Variants in ZSWIM5 observed in about 807,000 individuals in gnomAD.
ZSWIM5 encodes zinc finger SWIM domain-containing protein 5.
A neutral mutation model predicts 119.6 loss-of-function variants in ZSWIM5; 55 were observed. That is an observed-to-expected ratio of 0.46 (90% CI 0.37 to 0.58). The LOEUF (loss-of-function observed/expected upper bound fraction) is 0.58. ZSWIM5 is among the 20% of genes least tolerant of loss of function. The pLI, the probability that ZSWIM5 is intolerant of heterozygous loss-of-function variation, is 0.00. For synonymous variants in ZSWIM5, 537 were observed against 606.9 expected (o/e 0.88, Z 1.69); for missense variants, 1,193 against 1,512.8 (o/e 0.79, Z 3.51).
At chr1:45,153,521 A>G (rs920122796) in intron 1 of ZSWIM5, among the ~76,000 whole-genome samples, 5 of 149,814 alleles carry the variant, frequency 3.3e-5, no homozygotes, top group African/African-American at 1.2e-4. Context: ...AAAAAAAAAG[A>G]ATTAAAAATA....
chr1:45,186,593 T>TTTCA (rs1557793162), intron 1 of ZSWIM5, among the ~76,000 whole-genome samples: 2 of 150,660 alleles, frequency 1.3e-5, no homozygotes, highest in Admixed American at 6.6e-5. Flanking sequence ...AACAACTTGG[T>TTTCA]TTTATTTATT....
intron 11 of ZSWIM5, among the ~76,000 whole-genome samples, chr1:45,032,130 T>C (rs577877969): frequency 2.6e-5 from 4 of 152,316 alleles, no homozygotes; most frequent in African/African-American, 9.6e-5. Flanking sequence ...TTTTAGTTCA[T>C]CTCTCTTTTT....
chr1:45,132,728 C>T (rs1424383206), intron 1 of ZSWIM5, among the ~76,000 whole-genome samples: 1 of 151,988 alleles, frequency 6.6e-6, no homozygotes, highest in East Asian at 1.9e-4. Context: ...TCGTCATTTG[C>T]ATTTGGTATA....
chr1:45,133,687 T>C (rs1227382781), intron 1 of ZSWIM5, among the ~76,000 whole-genome samples: 1 of 152,204 alleles, frequency 6.6e-6, no homozygotes, highest in Non-Finnish European at 1.5e-5. Flanking sequence ...TCCTTGACCA[T>C]GCCTATGTCC....
At chr1:45,174,917 T>C (rs1645970609) in intron 1 of ZSWIM5, among the ~76,000 whole-genome samples, 4 of 151,920 alleles carry the variant, frequency 2.6e-5, no homozygotes, top group Admixed American at 2.6e-4. Context: ...TCAAAGATAT[T>C]CTCCTACAGA....
Position 45,040,537 on chromosome 1 carries a change from C to A in ZSWIM5, c.1611G>T (p.Glu537Asp). ...CTCGAGCACAGGCTGTAGGCACATGCTCTACCAAGTAAGAAGAAGATATTT... is the reference window on the plus strand; with the variant it reads ...CTCGAGCACAGGCTGTAGGCACATGATCTACCAAGTAAGAAGAAGATATTT... The part of the protein sequence containing the change: ...FNSQGQPLWL[E>D]HVPTACARVD... The change falls in exon 7 of 14, where the codon GAG (glutamate) becomes GAT (aspartate). Residue 537 changes from glutamate (E) to aspartate (D), a missense_variant and splice_region_variant. Glu to Asp is a conservative substitution (Grantham distance 45, BLOSUM62 2). This residue lies in a region of ZSWIM5 where 961 missense variants were observed against 1,290.0 expected (regional missense o/e 0.74). Transcript: ENST00000359600. 1.3e-6 allele frequency: 2 copies of A among 1,584,876 alleles called. No homozygotes were observed. The highest frequency in any genetic ancestry group is 1.9e-5 in the Admixed American group (1 of 52,568).
chr1:45,086,794 A>T (rs372475889), intron 2 of ZSWIM5, among the ~76,000 whole-genome samples: 6 of 152,152 alleles, frequency 3.9e-5, no homozygotes, highest in East Asian at 3.8e-4. Flanking sequence ...AAAATAAAAA[A>T]AATAATAAAG....
At chr1:45,095,452 ATGTT>A (rs1645395394) in intron 1 of ZSWIM5, among the ~76,000 whole-genome samples, 1 of 152,088 alleles carries the variant, frequency 6.6e-6, no homozygotes, top group African/African-American at 2.4e-5. Flanking sequence ...CTTTAACAGG[ATGTT>A]TGTTCAAATC....
At chr1:45,164,495 T>C (rs1235297103) in intron 1 of ZSWIM5, among the ~76,000 whole-genome samples, 1 of 152,114 alleles carries the variant, frequency 6.6e-6, no homozygotes, top group African/African-American at 2.4e-5. Context: ...GTAAATGGGC[T>C]AAATGCTCCA....
intron 11 of ZSWIM5, among the ~76,000 whole-genome samples, chr1:45,031,218 C>T (rs1644951134): frequency 7.8e-6 from 1 of 128,606 alleles, no homozygotes; most frequent in Non-Finnish European, 1.6e-5. Context: ...ACTTTGTTGC[C>T]CAGGCTGGAG....
intron 1 of ZSWIM5, among the ~76,000 whole-genome samples, chr1:45,111,385 G>C (rs1645516790): frequency 6.6e-6 from 1 of 152,316 alleles, no homozygotes; most frequent in East Asian, 1.9e-4. Flanking sequence ...CAGTGGGAAG[G>C]CCTGGCAACA....
chr1:45,066,612 T>C (rs1015907395), intron 2 of ZSWIM5, among the ~76,000 whole-genome samples: 2 of 151,982 alleles, frequency 1.3e-5, no homozygotes, highest in Non-Finnish European at 2.9e-5. Flanking sequence ...AGGATAGAAA[T>C]AGTATGGGAA....
At chr1:45,160,891 A>G (rs1357205947) in intron 1 of ZSWIM5, among the ~76,000 whole-genome samples, 1 of 146,690 alleles carries the variant, frequency 6.8e-6, no homozygotes, top group Non-Finnish European at 1.5e-5. Context: ...GCAAGATCTC[A>G]GCTCACTGCA....
rs1403455269 is a variant in ZSWIM5 at position 45,044,768 on chromosome 1, T to C, written c.1433-1373A>G. Reference sequence around the variant, plus strand: ...AAAAATATATATATATATATATATATATATATAAATATATATATATAAATA... The same window carrying C: ...AAAAATATATATATATATATATATACATATATAAATATATATATATAAATA... On this transcript the variant is annotated intron_variant, in intron 5 of 13. Coordinates refer to ENST00000359600, the MANE Select transcript of ZSWIM5 (RefSeq NM_020883.2). Among the ~76,000 whole-genome samples the C allele has an allele frequency of 3.8e-3, 11 of 2,894 alleles. 4 individuals carry two copies. The highest frequency in any genetic ancestry group is 9.3e-3 in the African/African-American group (9 of 970). 1.9% of individuals were successfully genotyped at this position (2,894 alleles called of 152,430 possible). A position where few individuals can be genotyped will look rare whatever the true frequency, so the allele number is the denominator to read the frequency against.
intron 11 of ZSWIM5, among the ~76,000 whole-genome samples, chr1:45,026,302 T>C (rs1198780385): frequency 6.6e-6 from 1 of 152,184 alleles, no homozygotes; most frequent in East Asian, 1.9e-4. Flanking sequence ...CCCAAAGTGC[T>C]AGGATTACAG....
chr1:45,023,170 T>C (rs1171931538), intron 11 of ZSWIM5, among the ~76,000 whole-genome samples: 2 of 152,232 alleles, frequency 1.3e-5, no homozygotes, highest in Non-Finnish European at 2.9e-5. Flanking sequence ...ATGCTATTAA[T>C]CCACTATCAC....
intron 5 of ZSWIM5, 35 bp downstream of exon 5, chr1:45,051,039 C>T: frequency 6.3e-7 from 1 of 1,588,930 alleles, no homozygotes; most frequent in Non-Finnish European, 8.6e-7. Context: ...TTTGAAGTTC[C>T]AGGTACAAAG....
intron 2 of ZSWIM5, among the ~76,000 whole-genome samples, chr1:45,063,011 C>T (rs1316338575): frequency 6.6e-6 from 1 of 152,018 alleles, no homozygotes; most frequent in African/African-American, 2.4e-5. Flanking sequence ...GTCTACTGTC[C>T]CCATCTTTAT....
chr1:45,019,342 C>A lies in ZSWIM5; in HGVS notation c.2696-26G>T. 6.3e-7 allele frequency: 1 copy of A among 1,591,952 alleles called. No individual in the cohort carries two copies. ...CTGTCAGGGGGAGCCTGAGCTCAGC[C>A]GTGGCCATCTGGGTCCTGATTCAGG... On this transcript the variant is annotated intron_variant, in intron 13 of 13. Transcript: ENST00000359600. The surrounding 1 kb of genome is among the most constrained non-coding windows in gnomAD (Gnocchi z 5.0).
Sources: allele counts gnomAD v4.1 joint callset (sites outside exome capture counted in the v4.1 genomes callset), GRCh38; gene constraint gnomAD v4.1.1; regional missense constraint gnomAD v4.1.1; non-coding constraint Gnocchi (gnomAD v3.1); transcripts MANE v1.5; gene names NCBI Gene and HGNC (gene_info 2026-07-23, HGNC 2026-07-21).